GRIA2: variants seen among roughly 807,000 people sequenced by gnomAD.
GRIA2 encodes glutamate ionotropic receptor AMPA type subunit 2, also known as glutamate receptor 2.
A neutral mutation model predicts 97.3 loss-of-function variants in GRIA2; 14 were observed. That is an observed-to-expected ratio of 0.14 (90% CI 0.10 to 0.23). The LOEUF is 0.23. GRIA2 is among the 10% of genes least tolerant of loss of function. The probability of loss-of-function intolerance (pLI) is 1.00; values close to 1 mark genes in which losing one functional copy is unlikely to be tolerated. For synonymous variants in GRIA2, 412 were observed against 387.8 expected (o/e 1.06, Z -0.73); for missense variants, 558 against 1,069.8 (o/e 0.52, Z 6.67).
chr4:157,350,397 A>G (rs1457369100), intron 12 of GRIA2, among the ~76,000 whole-genome samples: 1 of 151,964 alleles, frequency 6.6e-6, no homozygotes, highest in Non-Finnish European at 1.5e-5. Flanking sequence ...CTACTTATAG[A>G]AGATCTTTTT....
chr4:157,244,500 T>C (rs1304131489), intron 2 of GRIA2, among the ~76,000 whole-genome samples: 1 of 152,028 alleles, frequency 6.6e-6, no homozygotes, highest in East Asian at 1.9e-4. Flanking sequence ...GAAAATATAT[T>C]CGTCTGATTG....
chr4:157,358,055 T>A (rs1247656162), intron 12 of GRIA2, among the ~76,000 whole-genome samples: 2 of 152,184 alleles, frequency 1.3e-5, no homozygotes, highest in Non-Finnish European at 2.9e-5. Flanking sequence ...TTTATCAGCC[T>A]GTGATTTTGT....
chr4:157,236,648 A>G (rs995344556), intron 2 of GRIA2, among the ~76,000 whole-genome samples: 4 of 152,120 alleles, frequency 2.6e-5, no homozygotes, highest in African/African-American at 9.6e-5. Context: ...TCAATTTACA[A>G]CCCTACCTAG....
At chr4:157,282,883 A>G (rs904530528) in intron 2 of GRIA2, among the ~76,000 whole-genome samples, 2 of 152,212 alleles carry the variant, frequency 1.3e-5, no homozygotes, top group African/African-American at 4.8e-5. Context: ...TTTCACAAAA[A>G]TATAATGAAA....
At chr4:157,232,483 G>C (rs1026769229) in intron 2 of GRIA2, among the ~76,000 whole-genome samples, 21 of 152,086 alleles carry the variant, frequency 1.4e-4, no homozygotes, top group African/African-American at 4.8e-4. Flanking sequence ...GAGAATTTTG[G>C]CTTTATAATT....
intron 2 of GRIA2, among the ~76,000 whole-genome samples, chr4:157,251,796 T>C (rs1173307024): frequency 6.6e-6 from 1 of 152,136 alleles, no homozygotes; most frequent in East Asian, 1.9e-4. Flanking sequence ...GAAAATTTGT[T>C]CATTCAGTCA....
At chr4:157,260,985 T>C (rs1475391703) in intron 2 of GRIA2, among the ~76,000 whole-genome samples, 1 of 152,102 alleles carries the variant, frequency 6.6e-6, no homozygotes, top group Non-Finnish European at 1.5e-5. Flanking sequence ...TATTCATTGT[T>C]GAGGGCAAAG....
intron 2 of GRIA2, among the ~76,000 whole-genome samples, chr4:157,249,226 T>C (rs995568979): frequency 6.6e-6 from 1 of 152,118 alleles, no homozygotes; most frequent in Non-Finnish European, 1.5e-5. Context: ...GAAGAAACTT[T>C]ATGAACCTCC....
At chr4:157,338,959 TA>T (rs933759525) in intron 11 of GRIA2, among the ~76,000 whole-genome samples, 9 of 151,916 alleles carry the variant, frequency 5.9e-5, no homozygotes, top group Non-Finnish European at 1.3e-4. Flanking sequence ...CTTTAAATAT[TA>T]AAAAAATTAT....
intron 12 of GRIA2, 122 bp from the exon 13 acceptor site, chr4:157,359,774 T>G: frequency 3.7e-4 from 295 of 794,590 alleles, no homozygotes; most frequent in Middle Eastern, 5.3e-4. Context: ...TGTTGAAAGA[T>G]GAGATTTGTT....
chr4:157,349,241 A>G (rs1735896681), intron 12 of GRIA2, among the ~76,000 whole-genome samples: 1 of 152,122 alleles, frequency 6.6e-6, no homozygotes, highest in Non-Finnish European at 1.5e-5. Context: ...TGATACTACA[A>G]GGGGCCCATT....
intron 3 of GRIA2, among the ~76,000 whole-genome samples, chr4:157,307,541 A>T (rs1392514820): frequency 6.6e-6 from 1 of 152,206 alleles, no homozygotes; most frequent in South Asian, 2.1e-4. Flanking sequence ...ACTGCATATC[A>T]TCACTCCATA....
At chr4:157,249,139 A>G (rs983197017) in intron 2 of GRIA2, among the ~76,000 whole-genome samples, 8 of 152,116 alleles carry the variant, frequency 5.3e-5, no homozygotes, top group African/African-American at 1.9e-4. Flanking sequence ...CCAGCTCACA[A>G]ATATTTTCAA....
chr4:157,356,853 A>G (rs546092423), intron 12 of GRIA2, among the ~76,000 whole-genome samples: 2 of 152,292 alleles, frequency 1.3e-5, no homozygotes, highest in South Asian at 4.1e-4. Context: ...GACCACAAAT[A>G]TATGAATTAG....
In GRIA2 at chr4:157,363,855, A is replaced by G. The variant is rs1033651924; in HGVS notation, c.*424A>G. 1.7e-5 allele frequency: 5 copies of G among 287,036 alleles called. No individual in the cohort carries two copies. Among genetic ancestry groups the G allele is most frequent in the Non-Finnish European group, 2.6e-5 (4 of 155,326 alleles). The allele number at this position is 287,036 out of a possible 1,614,324, so 17.8% of individuals were successfully genotyped here. ...TTTACCTGAAGTCTTTGTACAGACA[A>G]CAAACCTGTTTCTGCAGCCACTATT... On this transcript the variant is annotated 3_prime_UTR_variant, in exon 16 of 16. Transcript: ENST00000264426.
intron 2 of GRIA2, among the ~76,000 whole-genome samples, chr4:157,248,089 A>G (rs1404816152): frequency 6.6e-6 from 1 of 151,466 alleles, no homozygotes; most frequent in Non-Finnish European, 1.5e-5. Context: ...CATATCATAT[A>G]TCATATTTTA....
At chr4:157,272,304 A>C (rs886808564) in intron 2 of GRIA2, among the ~76,000 whole-genome samples, 3 of 152,030 alleles carry the variant, frequency 2.0e-5, no homozygotes, top group African/African-American at 7.2e-5. Flanking sequence ...CTGAACAGAC[A>C]AAAATCAACA....
chr4:157,248,903 T>C (rs974198235), intron 2 of GRIA2, among the ~76,000 whole-genome samples: 1 of 151,364 alleles, frequency 6.6e-6, no homozygotes, highest in African/African-American at 2.4e-5. Flanking sequence ...AGTGGGATGA[T>C]CTTGGCTCAC....
At chr4:157,223,743 G>T (rs1318410352) in intron 2 of GRIA2, among the ~76,000 whole-genome samples, 1 of 152,162 alleles carries the variant, frequency 6.6e-6, no homozygotes, top group Non-Finnish European at 1.5e-5. Flanking sequence ...AGTATTGACA[G>T]CTGTACTTTT....
Sources: allele counts gnomAD v4.1 joint callset (sites outside exome capture counted in the v4.1 genomes callset), GRCh38; gene constraint gnomAD v4.1.1; transcripts MANE v1.5; gene names NCBI Gene and HGNC (gene_info 2026-07-23, HGNC 2026-07-21).